Variants in GRIN3A observed in about 807,000 individuals in gnomAD.
GRIN3A encodes the protein glutamate receptor ionotropic, NMDA 3A.
In GRIN3A, 47 loss-of-function variants were observed where a neutral mutation model predicts 92.4. The observed-to-expected ratio is 0.51, with a 90% CI of 0.40 to 0.65. The LOEUF (loss-of-function observed/expected upper bound fraction) is 0.65. Ranked by LOEUF, GRIN3A falls within the 30% of genes least tolerant of loss-of-function variation. The pLI, the probability that GRIN3A is intolerant of heterozygous loss-of-function variation, is 0.00. For synonymous variants in GRIN3A, 527 were observed against 540.6 expected (o/e 0.97, Z 0.35); for missense variants, 1,324 against 1,393.1 (o/e 0.95, Z 0.79).
rs118037622 is a variant in GRIN3A, at chr9:101,620,523, A to G, written c.2614+2795T>C. ...AGTGACAGTACATTCAGCATGAAGG[A>G]ATCATTGCACTCTGTTTTCTCTCCT... is the stretch of plus-strand genomic sequence containing the variant. On this transcript the variant is annotated intron_variant, in intron 5 of 8. Coordinates refer to ENST00000361820, the MANE Select transcript of GRIN3A (RefSeq NM_133445.3). Among the ~76,000 whole-genome samples, 27 of 152,286 alleles carry G rather than the reference A, an allele frequency of 1.8e-4. No homozygotes were observed. The East Asian group carries it at 5.2e-3, about 29-fold the overall frequency.
At chr9:101,643,453 A>G (rs893792537) in intron 3 of GRIN3A, among the ~76,000 whole-genome samples, 4 of 152,094 alleles carry the variant, frequency 2.6e-5, no homozygotes, top group South Asian at 2.1e-4. Flanking sequence ...TGACAGTGGT[A>G]TTGTAAAATG....
At chr9:101,633,836 C>T (rs569426487) in intron 3 of GRIN3A, among the ~76,000 whole-genome samples, 5 of 152,222 alleles carry the variant, frequency 3.3e-5, no homozygotes, top group Admixed American at 1.3e-4. Flanking sequence ...GTTAAATGTA[C>T]TGACTAAGGT....
At chr9:101,630,271 C>T (rs953549882) in intron 3 of GRIN3A, among the ~76,000 whole-genome samples, 5 of 152,014 alleles carry the variant, frequency 3.3e-5, no homozygotes, top group Non-Finnish European at 5.9e-5. Context: ...TGAAAATTTT[C>T]TATGTGAAGC....
intron 6 of GRIN3A, among the ~76,000 whole-genome samples, chr9:101,609,805 T>C (rs1803944013): frequency 6.6e-6 from 1 of 152,174 alleles, no homozygotes; most frequent in Admixed American, 6.5e-5. Flanking sequence ...TAATGCTGGC[T>C]TTGGGGACAG....
chr9:101,668,477 C>A (rs1333799878), intron 3 of GRIN3A, among the ~76,000 whole-genome samples: 1 of 151,924 alleles, frequency 6.6e-6, no homozygotes, highest in African/African-American at 2.4e-5. Flanking sequence ...AGGCTGAAAA[C>A]CTTCAGAAGA....
In GRIN3A at chr9:101,613,526, T is replaced by A; in HGVS notation, c.2616A>T (p.Gly872=). Residue 872 remains glycine (G), a splice_region_variant and synonymous_variant, in exon 6 of 9, where the codon GGA becomes GGT. Transcript: ENST00000361820. ...AGTTGGGTGGGAGGCCAATGCCGTA[T>A]CCTAGAAGAAAATACAATCTCAGAT... The part of the protein sequence containing the change: ...LTVGKPFAIE[G]YGIGLPPNSP... The A allele has an allele frequency of 6.2e-7, 1 of 1,614,150 alleles. No individual in the cohort carries two copies. The highest frequency in any genetic ancestry group is 8.5e-7 in the Non-Finnish European group (1 of 1,179,994).
intron 4 of GRIN3A, among the ~76,000 whole-genome samples, chr9:101,628,037 C>T (rs962818346): frequency 9.2e-5 from 14 of 152,164 alleles, no homozygotes; most frequent in African/African-American, 1.4e-4. Context: ...AAGCTACTAC[C>T]AACTTGAGAC....
In GRIN3A at chr9:101,721,471, C is replaced by T. The variant is rs551266550; in HGVS notation, c.699+15810G>A. ...AGTGGGGCGTTGCTGAAAAGATACC[C>T]GAAAATGTGGAAGCGACTTTGGAAC... On this transcript the variant is annotated intron_variant, in intron 1 of 8. Coordinates refer to ENST00000361820, the MANE Select transcript of GRIN3A (RefSeq NM_133445.3). Among the ~76,000 whole-genome samples the T allele has an allele frequency of 7.9e-5, 12 of 152,190 alleles. No homozygotes were observed. In the East Asian group the frequency reaches 1.9e-3, roughly 24 times the overall value.
rs1366038335 is a variant in GRIN3A, at chr9:101,571,313, G to GTGA, written c.*1860_*1861insTCA. On this transcript the variant is annotated 3_prime_UTR_variant, in exon 9 of 9. Coordinates refer to ENST00000361820, the MANE Select transcript of GRIN3A (RefSeq NM_133445.3). ...TTTCTCAGCCAATTAATCACTAGGT[G>GTGA]TTATCTAACTACAGCTTAAGTTGTT... The GTGA allele has an allele frequency of 2.0e-5, 3 of 152,150 alleles. No homozygotes were observed. The highest frequency in any genetic ancestry group is 1.5e-5 in the Non-Finnish European group (1 of 68,036). The allele number at this position is 152,150 out of a possible 1,614,324, so 9.4% of individuals were successfully genotyped here.
At chr9:101,714,353 C>T (rs900061897) in intron 1 of GRIN3A, among the ~76,000 whole-genome samples, 4 of 151,984 alleles carry the variant, frequency 2.6e-5, no homozygotes, top group African/African-American at 9.7e-5. Context: ...TCAAATTATG[C>T]TTTGGAAACA....
chr9:101,595,831 A>C (rs1291490314), intron 6 of GRIN3A, among the ~76,000 whole-genome samples: 1 of 152,198 alleles, frequency 6.6e-6, no homozygotes. Context: ...GCTATTCTGC[A>C]GAATACCTTG....
At chr9:101,640,158 A>T (rs181933532) in intron 3 of GRIN3A, among the ~76,000 whole-genome samples, 310 of 152,348 alleles carry the variant, frequency 2.0e-3, no homozygotes, top group African/African-American at 6.8e-3. Flanking sequence ...TATAGTGTAT[A>T]GTATAAAGCC....
At chr9:101,607,304 T>G (rs542001171) in intron 6 of GRIN3A, among the ~76,000 whole-genome samples, 1 of 152,284 alleles carries the variant, frequency 6.6e-6, no homozygotes, top group South Asian at 2.1e-4. Context: ...AAAAGGCACC[T>G]AGTAATTCTA....
Position 101,724,817 on chromosome 9 carries a change from G to GT in GRIN3A, c.699+12463dup, listed in dbSNP as rs1458448604. Among the ~76,000 whole-genome samples the GT allele has an allele frequency of 5.9e-5, 9 of 152,244 alleles. 1 individual carries two copies. The highest frequency in any genetic ancestry group is 2.1e-4 in the South Asian group (1 of 4,834). ...GAGGCCTCCCCAGCCATGTAGAACT[G>GT]TAAGTCCAATTAAATCTCCTTTTCT... On this transcript the variant is annotated intron_variant, in intron 1 of 8. Coordinates refer to ENST00000361820, the MANE Select transcript of GRIN3A (RefSeq NM_133445.3).
chr9:101,624,693 A>G (rs1192866934), intron 4 of GRIN3A, among the ~76,000 whole-genome samples: 1 of 152,122 alleles, frequency 6.6e-6, no homozygotes. Flanking sequence ...ATACATGTGC[A>G]TGTGTCTTTA....
intron 8 of GRIN3A, among the ~76,000 whole-genome samples, chr9:101,575,587 A>G (rs1174680466): frequency 1.3e-5 from 2 of 152,206 alleles, no homozygotes; most frequent in East Asian, 3.9e-4. Context: ...TTTTCTTTGC[A>G]TTAAATGAGA....
chr9:101,594,368 A>G (rs762338521), intron 6 of GRIN3A: 2 of 1,545,816 alleles, frequency 1.3e-6, no homozygotes, highest in Admixed American at 4.0e-5. Flanking sequence ...GAGATAGGGA[A>G]GAAAGCAGAA....
chr9:101,603,682 G>A (rs867891650), intron 6 of GRIN3A, among the ~76,000 whole-genome samples: 14 of 152,170 alleles, frequency 9.2e-5, no homozygotes, highest in African/African-American at 3.4e-4. Flanking sequence ...CCTGTGACTG[G>A]ATAACAAGCG....
At chr9:101,731,176 T>G (rs1348549858) in intron 1 of GRIN3A, among the ~76,000 whole-genome samples, 1 of 152,140 alleles carries the variant, frequency 6.6e-6, no homozygotes, top group Non-Finnish European at 1.5e-5. Flanking sequence ...ACTTCTCTCT[T>G]TTATGCCTTT....
Sources: gnomAD v4.1 joint callset for allele counts (sites outside exome capture counted in the v4.1 genomes callset) on GRCh38, gnomAD v4.1.1 for gene constraint, MANE v1.5 for transcripts, NCBI Gene and HGNC (gene_info 2026-07-23, HGNC 2026-07-21) for gene names.